Variants in ZNF536 observed in about 807,000 individuals in gnomAD.
ZNF536 encodes the protein zinc finger protein 536.
Under a neutral mutation model 84.5 loss-of-function variants are expected in ZNF536, and 13 were observed. The observed-to-expected ratio is 0.15, with a 90% CI of 0.10 to 0.24. ZNF536 has a LOEUF of 0.24. Ranked by LOEUF, ZNF536 falls within the 10% of genes least tolerant of loss-of-function variation. The pLI is 1.00. For synonymous variants in ZNF536, 811 were observed against 742.5 expected (o/e 1.09, Z -1.50); for missense variants, 1,536 against 1,747.5 (o/e 0.88, Z 2.16).
At chr19:30,591,815 A>G (rs369367963) in intron 1 of ZNF536, among the ~76,000 whole-genome samples, 14 of 152,084 alleles carry the variant, frequency 9.2e-5, no homozygotes, top group African/African-American at 2.4e-4. Context: ...GAGGGGCACC[A>G]CCCTTCAGAA....
At chr19:30,458,459 T>G (rs1272313136) in intron 2 of ZNF536, among the ~76,000 whole-genome samples, 2 of 146,190 alleles carry the variant, frequency 1.4e-5, no homozygotes, top group Admixed American at 6.7e-5. Context: ...TTTTTTTTTT[T>G]TTTTTTTTTT....
At chr19:30,596,175 A>T (rs1179067040) in intron 1 of ZNF536, among the ~76,000 whole-genome samples, 2 of 152,208 alleles carry the variant, frequency 1.3e-5, no homozygotes. Context: ...CAATTTGACT[A>T]AAAAGCAAAA....
chr19:30,577,148 A>T (rs1377950899), intron 1 of ZNF536, among the ~76,000 whole-genome samples: 3 of 152,196 alleles, frequency 2.0e-5, no homozygotes, highest in African/African-American at 7.2e-5. Flanking sequence ...CTTCATTTTA[A>T]TACCCCGGCT....
At chr19:30,320,988 C>T (rs1015771159) in intron 2 of ZNF536, among the ~76,000 whole-genome samples, 1 of 152,178 alleles carries the variant, frequency 6.6e-6, no homozygotes, top group Admixed American at 6.5e-5. Flanking sequence ...ATAACCTTGT[C>T]CTCCTGCGCC....
At chr19:30,575,166 T>C (rs2046686775) in intron 1 of ZNF536, among the ~76,000 whole-genome samples, 1 of 152,222 alleles carries the variant, frequency 6.6e-6, no homozygotes, top group Non-Finnish European at 1.5e-5. Flanking sequence ...CAAGCAAGCA[T>C]TGATGGAACA....
At chr19:30,395,072 T>C (rs903647734) in intron 1 of ZNF536, among the ~76,000 whole-genome samples, 4 of 152,234 alleles carry the variant, frequency 2.6e-5, no homozygotes, top group Admixed American at 6.5e-5. Flanking sequence ...TTCATGTCAT[T>C]GTACTGAATG....
chr19:30,373,805 G>A (rs553799134), intron 1 of ZNF536, among the ~76,000 whole-genome samples: 19 of 150,398 alleles, frequency 1.3e-4, no homozygotes, highest in African/African-American at 4.4e-4. Flanking sequence ...CAGATGCCGA[G>A]GAAAGATGTG....
chr19:30,448,107 C>A (rs910101498), intron 2 of ZNF536, among the ~76,000 whole-genome samples: 1 of 152,168 alleles, frequency 6.6e-6, no homozygotes, highest in African/African-American at 2.4e-5. Flanking sequence ...ACTTTTATTT[C>A]CCCTCATTGA....
At chr19:30,508,625 A>T (rs12460937) in intron 2 of ZNF536, among the ~76,000 whole-genome samples, 17,082 of 151,816 alleles carry the variant, frequency 0.11, 1,110 homozygotes, top group Non-Finnish European at 0.15. Flanking sequence ...AATTTCTAAG[A>T]GGCCTACAAC....
chr19:30,476,880 CCTGCTCTTTCTGT>C (rs2053869636), intron 2 of ZNF536, among the ~76,000 whole-genome samples: 1 of 152,162 alleles, frequency 6.6e-6, no homozygotes, highest in Non-Finnish European at 1.5e-5. Context: ...CCACTACTCT[CCTGCTCTTTCTGT>C]CACTCCTCAG....
In ZNF536 at chr19:30,399,977, C is replaced by A. The variant is rs189976888; in HGVS notation, c.-3+27421C>A. Among the ~76,000 whole-genome samples the A allele has an allele frequency of 1.6e-4, 24 of 152,294 alleles. No homozygotes were observed. The East Asian group carries it at 4.2e-3, about 27-fold the overall frequency. ...TGCTGGGATTACAGGCGTGAGCCAC[C>A]GCACCCAGCCTTGGCATTGGCTTTT... On this transcript the variant is annotated intron_variant, in intron 1 of 4. Transcript: ENST00000355537.
intron 1 of ZNF536, among the ~76,000 whole-genome samples, chr19:30,623,208 G>A (rs2048555178): frequency 6.6e-6 from 1 of 151,986 alleles, no homozygotes; most frequent in South Asian, 2.1e-4. Flanking sequence ...AATAGCCTTT[G>A]CCATCTCCTT....
intron 1 of ZNF536, among the ~76,000 whole-genome samples, chr19:30,382,165 C>T (rs1041941079): frequency 1.3e-5 from 2 of 152,218 alleles, no homozygotes; most frequent in Non-Finnish European, 2.9e-5. Context: ...GACAGCTCTG[C>T]ATCCATGTCC....
intron 1 of ZNF536, among the ~76,000 whole-genome samples, chr19:30,702,886 A>T (rs1258542633): frequency 6.6e-6 from 1 of 152,186 alleles, no homozygotes; most frequent in Non-Finnish European, 1.5e-5. Flanking sequence ...AATCATCAAA[A>T]AACCCAAACA....
At chr19:30,269,353 C>G (rs191266062) in intron 1 of ZNF536, among the ~76,000 whole-genome samples, 2 of 152,086 alleles carry the variant, frequency 1.3e-5, no homozygotes, top group East Asian at 3.9e-4. Context: ...TGGTGCTCAA[C>G]TGGAAGTTGC....
At position 30,373,168 on chromosome 19, in the gene ZNF536, A is replaced by G. The variant is rs545394413; in HGVS notation, c.-3+612A>G. 3.3e-5 allele frequency among the ~76,000 whole-genome samples: 5 copies of G among 152,316 alleles called. No individual in the cohort carries two copies. The South Asian group carries it at 1.0e-3, about 32-fold the overall frequency. ...TGTCCACCTGGGAGAAGACTAGGTTAAAAGTTAATAGCACTTGTGCTTTTC... is the reference window on the plus strand; with the variant it reads ...TGTCCACCTGGGAGAAGACTAGGTTGAAAGTTAATAGCACTTGTGCTTTTC... On this transcript the variant is annotated intron_variant, in intron 1 of 4. Transcript: ENST00000355537.
chr19:30,326,066 A>G (rs570558484), intron 2 of ZNF536, among the ~76,000 whole-genome samples: 11 of 152,184 alleles, frequency 7.2e-5, no homozygotes, highest in Non-Finnish European at 1.2e-4. Context: ...AGTGTTCTTT[A>G]TTTACAGTCA....
At chr19:30,316,887 C>T (rs116974924) in intron 2 of ZNF536, among the ~76,000 whole-genome samples, 1,875 of 152,280 alleles carry the variant, frequency 0.012, 15 homozygotes, top group African/African-American at 0.017. Flanking sequence ...CCCGCCCTGC[C>T]GTGGCATGTA....
chr19:30,428,937 G>C (rs1053136258), intron 1 of ZNF536, among the ~76,000 whole-genome samples: 129 of 152,326 alleles, frequency 8.5e-4, no homozygotes, highest in African/African-American at 3.0e-3. Context: ...GCACCCACAG[G>C]GGGATAGAGA....
Sources: gnomAD v4.1 joint callset for allele counts (sites outside exome capture counted in the v4.1 genomes callset) on GRCh38, gnomAD v4.1.1 for gene constraint, MANE v1.5 for transcripts, NCBI Gene and HGNC (gene_info 2026-07-23, HGNC 2026-07-21) for gene names.